CADPS: variants seen among roughly 807,000 people sequenced by gnomAD.
CADPS encodes the protein calcium dependent secretion activator, also known as calcium-dependent secretion activator 1.
CADPS carries 57 observed loss-of-function variants against 167.3 expected under a neutral mutation model. That is an observed-to-expected ratio of 0.34 (90% CI 0.28 to 0.42). The LOEUF (loss-of-function observed/expected upper bound fraction) is 0.42, where lower values mean the gene tolerates loss of function less well. CADPS is among the 20% of genes least tolerant of loss of function. The probability of loss-of-function intolerance (pLI) is 1.00; values close to 1 mark genes in which losing one functional copy is unlikely to be tolerated. For synonymous variants in CADPS, 676 were observed against 635.3 expected (o/e 1.06, Z -0.96); for missense variants, 1,414 against 1,738.1 (o/e 0.81, Z 3.32).
intron 6 of CADPS, among the ~76,000 whole-genome samples, chr3:62,645,107 C>T (rs948443010): frequency 1.3e-5 from 2 of 151,868 alleles, no homozygotes; most frequent in African/African-American, 4.8e-5. Flanking sequence ...AGACAAAAAC[C>T]CAAATATCAT....
intron 1 of CADPS, among the ~76,000 whole-genome samples, chr3:62,781,343 T>C (rs1337751523): frequency 6.6e-6 from 1 of 152,156 alleles, no homozygotes; most frequent in Admixed American, 6.5e-5. Context: ...CATGTCAGAA[T>C]GCATACTCCA....
chr3:62,697,180 T>C (rs893751924), intron 3 of CADPS, among the ~76,000 whole-genome samples: 2 of 152,192 alleles, frequency 1.3e-5, no homozygotes, highest in South Asian at 2.1e-4. Flanking sequence ...AGTTCTTTAG[T>C]GGTGATTTGT....
At chr3:62,744,822 C>T (rs867105733) in intron 3 of CADPS, among the ~76,000 whole-genome samples, 8 of 152,164 alleles carry the variant, frequency 5.3e-5, no homozygotes, top group Middle Eastern at 3.2e-3. Flanking sequence ...TGCCCAATTC[C>T]CTGCTCCTTA....
chr3:62,499,302 A>G lies in CADPS; in HGVS notation c.2600-34T>C, dbSNP rs374038745. Reference sequence around the variant, plus strand: ...CAAGAGTTTGTGTTAAAATTCAGCGAAAGTGGCAGGCTACTTTTATGGCCA... The same window carrying G: ...CAAGAGTTTGTGTTAAAATTCAGCGGAAGTGGCAGGCTACTTTTATGGCCA... On this transcript the variant is annotated intron_variant, in intron 17 of 29. Coordinates refer to ENST00000383710, the MANE Select transcript of CADPS (RefSeq NM_003716.4). The G allele has an allele frequency of 5.0e-6, 7 of 1,401,386 alleles. No homozygotes were observed. In the African/African-American group the frequency reaches 9.9e-5, roughly 20 times the overall value. The allele number at this position is 1,401,386 out of a possible 1,614,324, so 86.8% of individuals were successfully genotyped here.
intron 3 of CADPS, among the ~76,000 whole-genome samples, chr3:62,681,431 C>T (rs1422385203): frequency 6.6e-6 from 1 of 151,972 alleles, no homozygotes; most frequent in Non-Finnish European, 1.5e-5. Flanking sequence ...CAGGGCCTGG[C>T]CTGTGTTAAA....
At chr3:62,468,663 C>A (rs74966181) in intron 24 of CADPS, among the ~76,000 whole-genome samples, 3,658 of 152,282 alleles carry the variant, frequency 0.024, 68 homozygotes, top group Middle Eastern at 0.075. Flanking sequence ...TTCAATTTTT[C>A]CATGCCAAAC....
Position 62,874,910 on chromosome 3 carries a change from C to T in CADPS, c.120G>A (p.Glu40=). 1 of 1,434,850 alleles carries T rather than the reference C, an allele frequency of 7.0e-7. No homozygotes were observed. Among genetic ancestry groups the T allele is most frequent in the Non-Finnish European group, 9.2e-7 (1 of 1,088,444 alleles). 88.9% of individuals were successfully genotyped at this position (1,434,850 alleles called of 1,614,324 possible). Residue 40 remains glutamate, a synonymous_variant, in exon 1 of 30, where the codon GAG becomes GAA. Transcript: ENST00000383710. The surrounding 1 kb of genome is among the most constrained non-coding windows in gnomAD (Gnocchi z 7.1). ...CCAGCCCGGCGCTGCCGGCCGAGCCCTCGCTGGTACGGCTGGGAGACAGGC... is the reference window on the plus strand; with the variant it reads ...CCAGCCCGGCGCTGCCGGCCGAGCCTTCGCTGGTACGGCTGGGAGACAGGC... ...GARLSPSRTS[E]GSAGSAGLGG...
intron 28 of CADPS, among the ~76,000 whole-genome samples, chr3:62,414,294 C>T (rs1380898127): frequency 2.6e-5 from 4 of 152,194 alleles, no homozygotes; most frequent in Non-Finnish European, 4.4e-5. Context: ...CCCTGAGACC[C>T]CAGTTGCCCA....
intron 1 of CADPS, among the ~76,000 whole-genome samples, chr3:62,852,690 T>G (rs2078872602): frequency 1.2e-4 from 18 of 152,168 alleles, no homozygotes. Context: ...TTGTTGAAGA[T>G]GATCCATAAT....
chr3:62,572,613 T>C (rs1047524902), intron 8 of CADPS, among the ~76,000 whole-genome samples: 2 of 152,202 alleles, frequency 1.3e-5, no homozygotes, highest in South Asian at 4.1e-4. Flanking sequence ...ACCTATTCTA[T>C]GATTTACTTG....
chr3:62,523,243 G>T (rs1422755313), intron 13 of CADPS, among the ~76,000 whole-genome samples: 1 of 151,984 alleles, frequency 6.6e-6, no homozygotes, highest in Non-Finnish European at 1.5e-5. Context: ...ACCTTTGAGT[G>T]ACTAGTTATG....
At chr3:62,685,682 CG>C (rs1216912611) in intron 3 of CADPS, among the ~76,000 whole-genome samples, 2 of 67,740 alleles carry the variant, frequency 3.0e-5, no homozygotes, top group Non-Finnish European at 5.9e-5. Context: ...ATTTTTTCAT[CG>C]GGGGGGTGGG....
intron 23 of CADPS, among the ~76,000 whole-genome samples, chr3:62,477,571 T>C (rs1458228166): frequency 6.6e-6 from 1 of 152,182 alleles, no homozygotes; most frequent in Non-Finnish European, 1.5e-5. Context: ...GGATGAATGT[T>C]GTCCTCATTT....
chr3:62,481,694 A>G (rs762588843), intron 22 of CADPS, 29 bp downstream of exon 22: 8 of 1,542,314 alleles, frequency 5.2e-6, no homozygotes, highest in East Asian at 4.8e-5. Flanking sequence ...TTAAATTTAA[A>G]TGAGATCTAA....
At chr3:62,405,448 GAA>G (rs35356402) in intron 28 of CADPS, among the ~76,000 whole-genome samples, 4 of 128,060 alleles carry the variant, frequency 3.1e-5, no homozygotes, top group Non-Finnish European at 1.7e-5. Flanking sequence ...CACCTTTCAG[GAA>G]AAAAAAAAAA....
intron 3 of CADPS, among the ~76,000 whole-genome samples, chr3:62,698,043 GCTGT>G (rs748907513): frequency 6.6e-6 from 1 of 151,740 alleles, no homozygotes; most frequent in East Asian, 1.9e-4. Flanking sequence ...CTCTCTGTGG[GCTGT>G]CTGTTTACTC....
At chr3:62,574,897 T>A (rs1333744211) in intron 8 of CADPS, among the ~76,000 whole-genome samples, 1 of 152,176 alleles carries the variant, frequency 6.6e-6, no homozygotes, top group Non-Finnish European at 1.5e-5. Flanking sequence ...ACAGAGAAAA[T>A]GTATCATTTT....
In CADPS at chr3:62,602,489, T is replaced by G. The variant is rs2060116770; in HGVS notation, c.1326-9741A>C. On this transcript the variant is annotated intron_variant, in intron 6 of 29. Transcript: ENST00000383710. This position sits in a 1 kb window ranked among gnomAD's most constrained non-coding sequence, Gnocchi z 4.4. The stretch of plus-strand genomic sequence containing the variant: ...TCCTGTTGCTAAGAAGGAAAGTTAA[T>G]AATTGCCTGGAGACAGCTGCATTAA... 6.6e-6 allele frequency among the ~76,000 whole-genome samples: 1 copy of G among 152,142 alleles called. No individual in the cohort carries two copies. Among genetic ancestry groups the G allele is most frequent in the South Asian group, 2.1e-4 (1 of 4,824 alleles).
chr3:62,513,468 T>C (rs1364947756), intron 16 of CADPS, among the ~76,000 whole-genome samples: 1 of 151,892 alleles, frequency 6.6e-6, no homozygotes, highest in Non-Finnish European at 1.5e-5. Flanking sequence ...TTTAGGCTGA[T>C]AAAAAGTGAC....
Sources: allele counts gnomAD v4.1 joint callset (sites outside exome capture counted in the v4.1 genomes callset), GRCh38; gene constraint gnomAD v4.1.1; non-coding constraint Gnocchi (gnomAD v3.1); transcripts MANE v1.5; gene names NCBI Gene and HGNC (gene_info 2026-07-23, HGNC 2026-07-21).